The following ZPLD1 variants were observed in gnomAD, a reference collection of about 807,000 sequenced individuals.
The protein encoded by ZPLD1 is zona pellucida-like domain-containing protein 1.
A neutral mutation model predicts 47.2 loss-of-function variants in ZPLD1; 34 were observed. The ratio of observed to expected loss-of-function variants is 0.72; its 90% confidence interval spans 0.55 to 0.96. ZPLD1 has a LOEUF of 0.96. ZPLD1 is among the 40% of genes least tolerant of loss of function. ZPLD1 has a pLI of 0.00. For synonymous variants in ZPLD1, 176 were observed against 186.2 expected, an observed-to-expected ratio of 0.95 and a Z score of 0.45; for missense variants, 512 against 505.8, an observed-to-expected ratio of 1.01 and a Z score of -0.12.
chr3:102,440,488 T>A (rs2107322588), intron 3 of ZPLD1, among the ~76,000 whole-genome samples: 1 of 152,172 alleles, frequency 6.6e-6, no homozygotes, highest in Non-Finnish European at 1.5e-5. Flanking sequence ...CATAGGACAC[T>A]TGCATGTTTT....
At chr3:102,416,447 A>G (rs1378369985) in intron 7 of ZPLD1, among the ~76,000 whole-genome samples, 16 of 151,920 alleles carry the variant, frequency 1.1e-4, no homozygotes, top group Non-Finnish European at 8.8e-5. Flanking sequence ...TTAAAATAGT[A>G]GAAGACATGA....
chr3:102,426,751 T>C (rs1456046777), intron 8 of ZPLD1, among the ~76,000 whole-genome samples: 1 of 152,196 alleles, frequency 6.6e-6, no homozygotes, highest in Non-Finnish European at 1.5e-5. Flanking sequence ...TTTGAGTATA[T>C]ATGCTACTTG....
intron 6 of ZPLD1, among the ~76,000 whole-genome samples, chr3:102,461,698 C>T (rs1436182781): frequency 1.3e-5 from 2 of 151,964 alleles, no homozygotes; most frequent in Admixed American, 6.6e-5. Flanking sequence ...AAATTTGGTT[C>T]TCCTGTAGTT....
rs1263565649 is a variant in ZPLD1, at chr3:102,409,184, C to T, written c.-156-8876C>T. ...TCATAACATGGCAGAAGGACAATCA[C>T]ATGGTGAGGAAGAGCAGGTGCAAGA... On this transcript the variant is annotated intron_variant, in intron 7 of 17. Coordinates refer to the ZPLD1 transcript ENST00000491959. 2.0e-5 allele frequency among the ~76,000 whole-genome samples: 3 copies of T among 151,730 alleles called. No homozygotes were observed. In the Admixed American group the frequency reaches 2.0e-4, roughly 10 times the overall value.
intron 9 of ZPLD1, 118 bp from the exon 10 acceptor site, chr3:102,470,276 G>A: frequency 1.4e-6 from 1 of 725,370 alleles, no homozygotes; most frequent in South Asian, 1.8e-5. Context: ...ATGCACGGAA[G>A]GAAATGAATA....
At chr3:102,439,631 G>A (rs951930822) in intron 3 of ZPLD1, among the ~76,000 whole-genome samples, 1 of 152,080 alleles carries the variant, frequency 6.6e-6, no homozygotes, top group South Asian at 2.1e-4. Flanking sequence ...AGTAGAAAGA[G>A]CACTCATATT....
chr3:102,400,755 C>T (rs1576126244), intron 7 of ZPLD1, among the ~76,000 whole-genome samples: 1 of 151,860 alleles, frequency 6.6e-6, no homozygotes, highest in Non-Finnish European at 1.5e-5. Context: ...TTCCTATTTC[C>T]ACACCTGATG....
chr3:102,471,463 C>G (rs2107356826), intron 10 of ZPLD1, among the ~76,000 whole-genome samples: 1 of 152,292 alleles, frequency 6.6e-6, no homozygotes, highest in South Asian at 2.1e-4. Context: ...CATTTGTGCT[C>G]ATGAATTCAT....
chr3:102,428,528 T>C (rs1296293814), intron 8 of ZPLD1, among the ~76,000 whole-genome samples: 1 of 151,992 alleles, frequency 6.6e-6, no homozygotes, highest in African/African-American at 2.4e-5. Flanking sequence ...CTTTGAAAAA[T>C]GTTTCATCTT....
chr3:102,450,325 T>A (rs1478345633), intron 3 of ZPLD1, among the ~76,000 whole-genome samples: 1 of 152,178 alleles, frequency 6.6e-6, no homozygotes, highest in Non-Finnish European at 1.5e-5. Context: ...TGTACATACT[T>A]ATATATCCTC....
chr3:102,386,715 A>G (rs1304690331), intron 6 of ZPLD1, among the ~76,000 whole-genome samples: 1 of 152,194 alleles, frequency 6.6e-6, no homozygotes, highest in Non-Finnish European at 1.5e-5. Flanking sequence ...TTAGGAGGTT[A>G]GTATATTAAA....
At chr3:102,430,886 AATT>A (rs1172855302), upstream of ZPLD1, among the ~76,000 whole-genome samples, 1 of 152,164 alleles carries the variant, frequency 6.6e-6, no homozygotes, top group Non-Finnish European at 1.5e-5. Context: ...TAACTAGTAA[AATT>A]ATTATTTTAT....
intron 7 of ZPLD1, among the ~76,000 whole-genome samples, chr3:102,397,802 C>T (rs1706574992): frequency 1.3e-5 from 2 of 152,138 alleles, no homozygotes; most frequent in African/African-American, 2.4e-5. Flanking sequence ...AATGAAGGAT[C>T]TTACGTGACT....
At chr3:102,464,282 A>G (rs761694046) in intron 8 of ZPLD1, 31 bp downstream of exon 8, 3 of 1,428,304 alleles carry the variant, frequency 2.1e-6, no homozygotes, top group African/African-American at 1.4e-5. Context: ...TATTATATTG[A>G]TACCAATGAC....
At chr3:102,431,725 A>G (rs1707018242), upstream of ZPLD1, among the ~76,000 whole-genome samples, 2 of 152,202 alleles carry the variant, frequency 1.3e-5, no homozygotes. Flanking sequence ...CCTGGCCAAC[A>G]TGGTGAAACC....
chr3:102,409,557 T>C (rs1688684453), intron 7 of ZPLD1, among the ~76,000 whole-genome samples: 1 of 151,832 alleles, frequency 6.6e-6, no homozygotes, highest in Non-Finnish European at 1.5e-5. Context: ...AGATATAATC[T>C]AATTCCTTAA....
At chr3:102,388,466 T>G (rs1706459603) in intron 6 of ZPLD1, among the ~76,000 whole-genome samples, 1 of 143,606 alleles carries the variant, frequency 7.0e-6, no homozygotes. Context: ...TGTGTGTGTG[T>G]GTGTGTGTGT....
chr3:102,472,060 C>T (rs896624829), intron 10 of ZPLD1, among the ~76,000 whole-genome samples: 1 of 152,128 alleles, frequency 6.6e-6, no homozygotes, highest in Non-Finnish European at 1.5e-5. Context: ...GTGGTTTTGG[C>T]CCAAAAAATT....
intron 3 of ZPLD1, among the ~76,000 whole-genome samples, chr3:102,451,076 A>G (rs1559755377): frequency 6.6e-6 from 1 of 152,130 alleles, no homozygotes; most frequent in East Asian, 1.9e-4. Flanking sequence ...AAGATTTTTC[A>G]TCTTTCTTTA....
Sources: gnomAD v4.1 joint callset for allele counts (sites outside exome capture counted in the v4.1 genomes callset) on GRCh38, gnomAD v4.1.1 for gene constraint, MANE v1.5 for transcripts, NCBI Gene and HGNC (gene_info 2026-07-23, HGNC 2026-07-21) for gene names.